NEGR1: variants seen among roughly 807,000 people sequenced by gnomAD.
NEGR1 encodes the protein neuronal growth regulator 1.
In NEGR1, 10 loss-of-function variants were observed where a neutral mutation model predicts 40.9. The ratio of observed to expected loss-of-function variants is 0.24; its 90% confidence interval spans 0.15 to 0.42. The LOEUF is 0.42. Among genes scored for constraint, NEGR1 ranks in the 10% least tolerant of loss-of-function variants. NEGR1 has a pLI of 1.00. For synonymous variants in NEGR1, 185 were observed against 166.8 expected (o/e 1.11, Z -0.84); for missense variants, 352 against 438.9 (o/e 0.80, Z 1.77).
intron 1 of NEGR1, among the ~76,000 whole-genome samples, chr1:72,141,081 T>G (rs1015762338): frequency 2.0e-5 from 3 of 151,868 alleles, no homozygotes; most frequent in African/African-American, 7.2e-5. Flanking sequence ...TACAAAGTGT[T>G]GGGGAGCATA....
At chr1:71,957,830 T>C (rs1016536744) in intron 1 of NEGR1, among the ~76,000 whole-genome samples, 1 of 152,214 alleles carries the variant, frequency 6.6e-6, no homozygotes, top group African/African-American at 2.4e-5. Flanking sequence ...ATTAATGACA[T>C]TTTATAATCT....
intron 1 of NEGR1, among the ~76,000 whole-genome samples, chr1:72,220,776 G>A (rs1227675323): frequency 6.6e-6 from 1 of 151,962 alleles, no homozygotes; most frequent in Non-Finnish European, 1.5e-5. Flanking sequence ...AACTGTAAAA[G>A]TAAAATACTC....
chr1:71,956,162 C>T (rs1383812025), intron 1 of NEGR1, among the ~76,000 whole-genome samples: 2 of 152,084 alleles, frequency 1.3e-5, no homozygotes, highest in African/African-American at 4.8e-5. Flanking sequence ...CTAAATATAG[C>T]TTCAATCTGT....
chr1:71,582,619 T>G (rs549740874), intron 6 of NEGR1, among the ~76,000 whole-genome samples: 1 of 152,306 alleles, frequency 6.6e-6, no homozygotes, highest in Non-Finnish European at 1.5e-5. Context: ...AACAAAGTTT[T>G]CTCAAATCAA....
intron 6 of NEGR1, among the ~76,000 whole-genome samples, chr1:71,557,421 C>T (rs1648288620): frequency 6.6e-6 from 1 of 151,534 alleles, no homozygotes; most frequent in African/African-American, 2.4e-5. Flanking sequence ...CTTTAGAGTG[C>T]TTTGAAAGTG....
At chr1:71,797,058 A>G (rs1168864664) in intron 2 of NEGR1, among the ~76,000 whole-genome samples, 1 of 152,142 alleles carries the variant, frequency 6.6e-6, no homozygotes, top group Non-Finnish European at 1.5e-5. Context: ...AGGACTTCAG[A>G]CAAGCTAGTA....
At chr1:72,061,235 C>T (rs74608510) in intron 1 of NEGR1, among the ~76,000 whole-genome samples, 2,234 of 151,760 alleles carry the variant, frequency 0.015, 51 homozygotes, top group African/African-American at 0.051. Flanking sequence ...TTCTCTGGTC[C>T]AAATTAGCAA....
intron 2 of NEGR1, among the ~76,000 whole-genome samples, chr1:71,879,957 A>G (rs1057293577): frequency 7.9e-5 from 12 of 152,182 alleles, no homozygotes; most frequent in African/African-American, 2.9e-4. Flanking sequence ...AAGCTTTCAT[A>G]TGAGTTCTAT....
intron 2 of NEGR1, among the ~76,000 whole-genome samples, chr1:71,799,276 T>C (rs866170683): frequency 1.3e-5 from 2 of 152,170 alleles, no homozygotes; most frequent in African/African-American, 4.8e-5. Context: ...CTCCCACTTA[T>C]GAGGGAGACC....
At chr1:71,898,589 T>C (rs981012773) in intron 2 of NEGR1, among the ~76,000 whole-genome samples, 1 of 151,890 alleles carries the variant, frequency 6.6e-6, no homozygotes, top group Non-Finnish European at 1.5e-5. Flanking sequence ...CACTCCAGCC[T>C]GGGCGACAGA....
chr1:72,281,513 G>A (rs1461063642), intron 1 of NEGR1, among the ~76,000 whole-genome samples: 1 of 151,974 alleles, frequency 6.6e-6, no homozygotes, highest in African/African-American at 2.4e-5. Flanking sequence ...ACAGGGGTGG[G>A]AAACGGTATG....
intron 2 of NEGR1, among the ~76,000 whole-genome samples, chr1:71,837,741 C>T (rs1228191874): frequency 6.6e-6 from 1 of 152,056 alleles, no homozygotes; most frequent in African/African-American, 2.4e-5. Context: ...TTAGCACAAC[C>T]TTAATTAACA....
intron 1 of NEGR1, among the ~76,000 whole-genome samples, chr1:72,146,469 T>C (rs1650913136): frequency 6.6e-6 from 1 of 152,186 alleles, no homozygotes; most frequent in Non-Finnish European, 1.5e-5. Context: ...GAAATGATGG[T>C]GATGCCAACC....
rs369473058 is a variant in NEGR1, at chr1:72,277,082, G to C, written c.176+5237C>G. 9.2e-5 allele frequency among the ~76,000 whole-genome samples: 14 copies of C among 152,266 alleles called. No homozygotes were observed. In the South Asian group the frequency reaches 2.9e-3, roughly 32 times the overall value. The stretch of plus-strand genomic sequence containing the variant: ...ATATACACTGCCCAAAACAATGAAA[G>C]AAGGGAGAAATGCCCTAGCCCCTCA... On this transcript the variant is annotated intron_variant, in intron 1 of 6. Coordinates refer to ENST00000357731, the MANE Select transcript of NEGR1 (RefSeq NM_173808.3).
At chr1:72,031,786 G>A (rs901919592) in intron 1 of NEGR1, among the ~76,000 whole-genome samples, 9 of 152,114 alleles carry the variant, frequency 5.9e-5, no homozygotes, top group African/African-American at 2.2e-4. Flanking sequence ...GGGTCTGAAG[G>A]GAGGAAGGTT....
chr1:71,842,408 G>C (rs1659274269), intron 2 of NEGR1, among the ~76,000 whole-genome samples: 2 of 152,250 alleles, frequency 1.3e-5, no homozygotes, highest in South Asian at 4.2e-4. Flanking sequence ...TTTCCAGGAA[G>C]CTGGAGATAC....
chr1:72,146,777 C>T (rs949124145), intron 1 of NEGR1, among the ~76,000 whole-genome samples: 1 of 152,172 alleles, frequency 6.6e-6, no homozygotes. Context: ...TCTATTGTAT[C>T]TGTAAAGCTG....
intron 1 of NEGR1, among the ~76,000 whole-genome samples, chr1:72,007,608 G>A (rs571870249): frequency 1.3e-5 from 2 of 152,156 alleles, no homozygotes; most frequent in South Asian, 2.1e-4. Flanking sequence ...GAAAGAGTAC[G>A]AAGAAAAGAG....
intron 6 of NEGR1, among the ~76,000 whole-genome samples, chr1:71,448,314 T>A (rs1646597673): frequency 6.6e-6 from 1 of 151,396 alleles, no homozygotes; most frequent in Non-Finnish European, 1.5e-5. Flanking sequence ...AAGAAGTGGC[T>A]GAGGCTGGGT....
Sources: allele counts gnomAD v4.1 joint callset (sites outside exome capture counted in the v4.1 genomes callset), GRCh38; gene constraint gnomAD v4.1.1; transcripts MANE v1.5; gene names NCBI Gene and HGNC (gene_info 2026-07-23, HGNC 2026-07-21).